Variants in SPRED1 observed in about 807,000 individuals in gnomAD.
SPRED1 encodes sprouty related EVH1 domain containing 1.
In SPRED1, 18 loss-of-function variants were observed where a neutral mutation model predicts 52.3. That is an observed-to-expected ratio of 0.34 (90% CI 0.24 to 0.51). The LOEUF (loss-of-function observed/expected upper bound fraction) is 0.51. Among genes scored for constraint, SPRED1 ranks in the 20% least tolerant of loss-of-function variants. The pLI, the probability that SPRED1 is intolerant of heterozygous loss-of-function variation, is 0.97. For missense variants in SPRED1, 485 were observed against 551.0 expected, an observed-to-expected ratio of 0.88 and a Z score of 1.20; for synonymous variants, 155 against 179.7, an observed-to-expected ratio of 0.86 and a Z score of 1.10.
At chr15:38,276,402 A>G (rs1056684163) in intron 1 of SPRED1, among the ~76,000 whole-genome samples, 9 of 152,250 alleles carry the variant, frequency 5.9e-5, no homozygotes, top group Middle Eastern at 3.4e-3. Context: ...TTAGTGCACT[A>G]TCATTTCATA....
chr15:38,277,245 A>C (rs1894576656), intron 1 of SPRED1, among the ~76,000 whole-genome samples: 1 of 152,138 alleles, frequency 6.6e-6, no homozygotes, highest in South Asian at 2.1e-4. Context: ...ATAATACTCA[A>C]TAGGTGGTTT....
intron 4 of SPRED1, among the ~76,000 whole-genome samples, chr15:38,334,624 C>G (rs1405457717): frequency 6.6e-6 from 1 of 151,888 alleles, no homozygotes; most frequent in African/African-American, 2.4e-5. Flanking sequence ...TGTTCTGTAC[C>G]TAGCTTTTTT....
At chr15:38,296,237 CT>C (rs1052353441) in intron 1 of SPRED1, among the ~76,000 whole-genome samples, 18 of 152,120 alleles carry the variant, frequency 1.2e-4, no homozygotes, top group Admixed American at 1.2e-3. Flanking sequence ...AGAAAAGAAA[CT>C]AAAAAAGCAG....
chr15:38,347,615 T>C (rs1896169590), intron 5 of SPRED1, among the ~76,000 whole-genome samples: 1 of 152,024 alleles, frequency 6.6e-6, no homozygotes, highest in Non-Finnish European at 1.5e-5. Flanking sequence ...TATCATCTTA[T>C]TCGTGAATAT....
chr15:38,318,072 A>G (rs1451837053), intron 2 of SPRED1, among the ~76,000 whole-genome samples: 1 of 152,116 alleles, frequency 6.6e-6, no homozygotes, highest in Non-Finnish European at 1.5e-5. Flanking sequence ...TAGGAGGCAT[A>G]TCCTAAAAAT....
intron 1 of SPRED1, among the ~76,000 whole-genome samples, chr15:38,269,794 GT>G (rs1353720434): frequency 6.6e-6 from 1 of 152,046 alleles, no homozygotes. Flanking sequence ...ACTTGAAGTG[GT>G]TTGAGTGACT....
chr15:38,275,206 C>T (rs1268962722), intron 1 of SPRED1, among the ~76,000 whole-genome samples: 1 of 152,086 alleles, frequency 6.6e-6, no homozygotes, highest in Non-Finnish European at 1.5e-5. Flanking sequence ...GTATTAGTAT[C>T]AATTATAATC....
At chr15:38,334,940 G>A (rs1203536262) in intron 4 of SPRED1, among the ~76,000 whole-genome samples, 3 of 150,960 alleles carry the variant, frequency 2.0e-5, no homozygotes, top group Non-Finnish European at 4.4e-5. Flanking sequence ...CACCAACAGC[G>A]CAAAAAAGTA....
chr15:38,343,408 A>G (rs1896066912), intron 5 of SPRED1, among the ~76,000 whole-genome samples: 1 of 152,170 alleles, frequency 6.6e-6, no homozygotes, highest in Admixed American at 6.6e-5. Context: ...AGAAAGGCAC[A>G]ACGGAGACTG....
chr15:38,339,618 G>A (rs946857479), intron 4 of SPRED1, 119 bp from the exon 5 acceptor site: 6 of 973,628 alleles, frequency 6.2e-6, no homozygotes, highest in South Asian at 4.1e-5. Flanking sequence ...TATTCATAGC[G>A]ATGGTAGCGA....
intron 4 of SPRED1, among the ~76,000 whole-genome samples, chr15:38,335,217 A>G (rs1326664129): frequency 6.6e-6 from 1 of 152,016 alleles, no homozygotes; most frequent in Non-Finnish European, 1.5e-5. Flanking sequence ...CTTAGCTAAT[A>G]CTTATTCTCC....
chr15:38,310,000 A>T (rs1895329621), intron 2 of SPRED1, among the ~76,000 whole-genome samples: 1 of 152,174 alleles, frequency 6.6e-6, no homozygotes, highest in East Asian at 1.9e-4. Flanking sequence ...CCTAATACAG[A>T]GTAGAATGAT....
intron 5 of SPRED1, among the ~76,000 whole-genome samples, chr15:38,345,880 A>G (rs1157603218): frequency 1.3e-5 from 2 of 152,180 alleles, no homozygotes; most frequent in Non-Finnish European, 2.9e-5. Flanking sequence ...CCTTGAAAAG[A>G]TAGTCTAAAA....
chr15:38,273,441 C>T (rs1894480317), intron 1 of SPRED1, among the ~76,000 whole-genome samples: 2 of 151,006 alleles, frequency 1.3e-5, no homozygotes, highest in South Asian at 4.2e-4. Flanking sequence ...CTGTTAACAA[C>T]ATAGAGCTCA....
At chr15:38,269,910 T>C (rs984863247) in intron 1 of SPRED1, among the ~76,000 whole-genome samples, 22 of 143,812 alleles carry the variant, frequency 1.5e-4, no homozygotes, top group Admixed American at 1.1e-3. Flanking sequence ...TCTTTCTTTT[T>C]TTTTTTTTTT....
At chr15:38,272,642 C>T (rs1358857359) in intron 1 of SPRED1, among the ~76,000 whole-genome samples, 3 of 152,178 alleles carry the variant, frequency 2.0e-5, no homozygotes, top group Non-Finnish European at 4.4e-5. Context: ...AACTAATTTA[C>T]ATTCCCAGCA....
At chr15:38,315,947 G>A (rs1895470446) in intron 2 of SPRED1, among the ~76,000 whole-genome samples, 1 of 152,026 alleles carries the variant, frequency 6.6e-6, no homozygotes, top group Non-Finnish European at 1.5e-5. Context: ...GCTGGATGGT[G>A]AGTGGTAGAG....
intron 1 of SPRED1, among the ~76,000 whole-genome samples, chr15:38,296,486 A>G (rs988122746): frequency 2.6e-5 from 4 of 151,482 alleles, no homozygotes; most frequent in African/African-American, 9.8e-5. Flanking sequence ...GTCCAATACA[A>G]CTGAGACAAA....
At chr15:38,340,191 TATG>T (rs1896001254) in intron 5 of SPRED1, among the ~76,000 whole-genome samples, 1 of 152,326 alleles carries the variant, frequency 6.6e-6, no homozygotes, top group African/African-American at 2.4e-5. Context: ...TATCATTAAT[TATG>T]ATGTGTTTAC....
Sources: allele counts gnomAD v4.1 joint callset (sites outside exome capture counted in the v4.1 genomes callset), GRCh38; gene constraint gnomAD v4.1.1; transcripts MANE v1.5; gene names NCBI Gene and HGNC (gene_info 2026-07-23, HGNC 2026-07-21).